NELL1: variants seen among roughly 807,000 people sequenced by gnomAD.
NELL1 encodes the protein neural EGFL like 1, also known as protein kinase C-binding protein NELL1.
In NELL1, 76 loss-of-function variants were observed where a neutral mutation model predicts 107.4. The ratio of observed to expected loss-of-function variants is 0.71; its 90% CI spans 0.59 to 0.86. The LOEUF (loss-of-function observed/expected upper bound fraction) is 0.86, where lower values mean the gene tolerates loss of function less well. Among genes scored for constraint, NELL1 ranks in the 40% least tolerant of loss-of-function variants. NELL1 has a pLI of 0.00. For synonymous variants in NELL1, 353 were observed against 341.2 expected, an observed-to-expected ratio of 1.03 and a Z score of -0.38; for missense variants, 1,024 against 1,005.5, an observed-to-expected ratio of 1.02 and a Z score of -0.25.
intron 6 of NELL1, 82 bp from the exon 7 acceptor site, chr11:20,919,170 A>AGTCAC: frequency 1.3e-6 from 1 of 746,834 alleles, no homozygotes. Flanking sequence ...TCTTCTACAT[A>AGTCAC]GTCACGTATC....
chr11:21,086,380 A>G (rs1854391733), intron 12 of NELL1, among the ~76,000 whole-genome samples: 2 of 152,302 alleles, frequency 1.3e-5, no homozygotes, highest in South Asian at 2.1e-4. Context: ...TTGTTTTTGC[A>G]GGATACTAAA....
intron 14 of NELL1, among the ~76,000 whole-genome samples, chr11:21,351,952 T>G (rs1034095190): frequency 6.6e-6 from 1 of 152,134 alleles, no homozygotes; most frequent in Non-Finnish European, 1.5e-5. Context: ...GGAGAACTGA[T>G]GCTTTATGAA....
At chr11:21,413,831 C>T (rs1390357420) in intron 15 of NELL1, among the ~76,000 whole-genome samples, 2 of 152,146 alleles carry the variant, frequency 1.3e-5, no homozygotes, top group Middle Eastern at 3.4e-3. Context: ...TGAATCAATC[C>T]TTCCAGAGGT....
chr11:20,711,240 T>C (rs951728086), intron 2 of NELL1, among the ~76,000 whole-genome samples: 1 of 152,118 alleles, frequency 6.6e-6, no homozygotes, highest in Non-Finnish European at 1.5e-5. Context: ...TTATGAGCTT[T>C]TTCCACCCCT....
chr11:20,984,774 G>A (rs11025854), intron 12 of NELL1, among the ~76,000 whole-genome samples: 15,064 of 151,836 alleles, frequency 0.099, 920 homozygotes, highest in East Asian at 0.25. Flanking sequence ...ATGATGATGG[G>A]TCATTTGCAG....
At chr11:21,079,165 G>T in intron 12 of NELL1, among the ~76,000 whole-genome samples, 1 of 151,952 alleles carries the variant, frequency 6.6e-6, no homozygotes, top group East Asian at 1.9e-4. Context: ...AATTGTGAGT[G>T]ACTAGACACT....
At chr11:20,977,261 T>G (rs1014538120) in intron 12 of NELL1, among the ~76,000 whole-genome samples, 6 of 147,952 alleles carry the variant, frequency 4.1e-5, no homozygotes, top group Non-Finnish European at 1.5e-5. Flanking sequence ...GCAAATTAAA[T>G]CTATTTTTTT....
At chr11:20,727,283 G>T (rs537599317) in intron 2 of NELL1, among the ~76,000 whole-genome samples, 1 of 152,054 alleles carries the variant, frequency 6.6e-6, no homozygotes, top group African/African-American at 2.4e-5. Flanking sequence ...TTTAATGATC[G>T]CCATTTTAAC....
intron 13 of NELL1, among the ~76,000 whole-genome samples, chr11:21,212,213 C>T (rs1000853849): frequency 6.6e-6 from 1 of 152,108 alleles, no homozygotes; most frequent in Non-Finnish European, 1.5e-5. Flanking sequence ...TCCCTGTCCC[C>T]ATTTATTCAT....
chr11:21,347,947 C>T (rs769244602), intron 14 of NELL1, among the ~76,000 whole-genome samples: 2 of 151,978 alleles, frequency 1.3e-5, no homozygotes, highest in Non-Finnish European at 2.9e-5. Context: ...AAGAAGGTTG[C>T]CAATCTTAGG....
intron 16 of NELL1, among the ~76,000 whole-genome samples, chr11:21,542,321 A>T (rs1032696504): frequency 7.2e-5 from 11 of 152,086 alleles, no homozygotes; most frequent in Non-Finnish European, 8.8e-5. Context: ...ATATGTTCAC[A>T]CTGCACTGCT....
At chr11:20,906,839 T>A (rs2134140611) in intron 5 of NELL1, among the ~76,000 whole-genome samples, 1 of 152,108 alleles carries the variant, frequency 6.6e-6, no homozygotes, top group Admixed American at 6.6e-5. Flanking sequence ...ATGTGGAAAC[T>A]TTCTTAACGT....
At chr11:21,451,185 T>TAAAAAAAAA (rs35257979) in intron 15 of NELL1, among the ~76,000 whole-genome samples, 1 of 101,622 alleles carries the variant, frequency 9.8e-6, no homozygotes, top group Non-Finnish European at 1.8e-5. Flanking sequence ...AGACTCCGTC[T>TAAAAAAAAA]AAAAAAAAAA....
chr11:21,088,969 A>G (rs1854462153), intron 12 of NELL1, among the ~76,000 whole-genome samples: 3 of 152,224 alleles, frequency 2.0e-5, no homozygotes, highest in Admixed American at 2.0e-4. Flanking sequence ...AAGAGAGGCT[A>G]GTCAATATCA....
intron 14 of NELL1, among the ~76,000 whole-genome samples, chr11:21,289,532 C>A (rs1193282894): frequency 6.6e-6 from 1 of 152,118 alleles, no homozygotes; most frequent in Non-Finnish European, 1.5e-5. Context: ...CAGGAGATTC[C>A]CTTGGGTGCC....
At chr11:20,930,557 C>A (rs1850597100) in intron 9 of NELL1, among the ~76,000 whole-genome samples, 1 of 151,972 alleles carries the variant, frequency 6.6e-6, no homozygotes, top group South Asian at 2.1e-4. Context: ...ATAGAAAACA[C>A]ATTTTTGTAT....
At chr11:20,770,379 A>G (rs978244769) in intron 2 of NELL1, among the ~76,000 whole-genome samples, 10 of 152,232 alleles carry the variant, frequency 6.6e-5, no homozygotes, top group Non-Finnish European at 1.3e-4. Flanking sequence ...AAGGAAAAAA[A>G]TCCACCACAT....
chr11:21,222,012 T>A (rs573225835), intron 13 of NELL1, among the ~76,000 whole-genome samples: 1 of 152,166 alleles, frequency 6.6e-6, no homozygotes, highest in East Asian at 1.9e-4. Flanking sequence ...TGATTCTTTA[T>A]ATTTCTGTAG....
chr11:20,755,559 T>TTTTTTTTA (rs1337491294), intron 2 of NELL1, among the ~76,000 whole-genome samples: 3 of 17,686 alleles, frequency 1.7e-4, no homozygotes, highest in South Asian at 3.6e-3. Flanking sequence ...TGTTTTTGTT[T>TTTTTTTTA]TTGTTTTTTT....
Sources: allele counts gnomAD v4.1 joint callset (sites outside exome capture counted in the v4.1 genomes callset), GRCh38; gene constraint gnomAD v4.1.1; transcripts MANE v1.5; gene names NCBI Gene and HGNC (gene_info 2026-07-23, HGNC 2026-07-21).